Variants in NGEF observed in about 807,000 individuals in gnomAD.
NGEF encodes the protein ephexin-1.
In NGEF, 31 loss-of-function variants were observed where a neutral mutation model predicts 80.9. The observed-to-expected ratio is 0.38, with a 90% CI of 0.29 to 0.52. The LOEUF is 0.52. Among genes scored for constraint, NGEF ranks in the 20% least tolerant of loss-of-function variants. The pLI is 0.84. For synonymous variants in NGEF, 371 were observed against 370.2 expected (o/e 1.00, Z -0.03); for missense variants, 709 against 926.2 (o/e 0.77, Z 3.04).
intron 5 of NGEF, among the ~76,000 whole-genome samples, chr2:232,915,231 G>A (rs767771296): frequency 3.3e-5 from 5 of 149,822 alleles, no homozygotes; most frequent in African/African-American, 1.2e-4. Flanking sequence ...TCCATTGGTA[G>A]TAGCTTATAT....
Position 232,995,035 on chromosome 2 carries a change from T to C in NGEF, c.-75+18033A>G, listed in dbSNP as rs1157921672. On this transcript the variant is annotated intron_variant, in intron 1 of 14. Coordinates refer to ENST00000264051, the MANE Select transcript of NGEF (RefSeq NM_019850.3). ...TACATATATGTATACTGTATATATGTACAGTATGTATACTGTATATATGTA... is the reference window on the plus strand; with the variant it reads ...TACATATATGTATACTGTATATATGCACAGTATGTATACTGTATATATGTA... Among the ~76,000 whole-genome samples, 10 of 123,818 alleles carry C rather than the reference T, an allele frequency of 8.1e-5. 2 individuals carry two copies. The highest frequency in any genetic ancestry group is 3.7e-4 in the African/African-American group (6 of 16,228). The allele number at this position is 123,818 out of a possible 152,430, so 81.2% of individuals were successfully genotyped here.
intron 1 of NGEF, among the ~76,000 whole-genome samples, chr2:233,008,558 G>T (rs1323993524): frequency 6.6e-6 from 1 of 152,192 alleles, no homozygotes; most frequent in African/African-American, 2.4e-5. Flanking sequence ...GGGGTCAAGG[G>T]CCTTAGGCCC....
chr2:232,904,360 C>T (rs1692440827), intron 5 of NGEF, among the ~76,000 whole-genome samples: 1 of 152,124 alleles, frequency 6.6e-6, no homozygotes, highest in Non-Finnish European at 1.5e-5. Flanking sequence ...TCCCGAGTAG[C>T]TGGAACTACA....
intron 1 of NGEF, among the ~76,000 whole-genome samples, chr2:233,004,722 TC>T (rs1695051692): frequency 6.6e-6 from 1 of 151,800 alleles, no homozygotes; most frequent in Non-Finnish European, 1.5e-5. Context: ...TCCCTCCCCT[TC>T]CCCCTGCTCC....
rs1051088616 is a variant in NGEF at position 232,879,428 on chromosome 2, C to G, written c.*61G>C. ...GGCCTGTGCTTCCCAGAGCCCCCCCCCCCCCACCTTCTGTCGGGGTCTCAT... is the reference window on the plus strand; with the variant it reads ...GGCCTGTGCTTCCCAGAGCCCCCCCGCCCCCACCTTCTGTCGGGGTCTCAT... On this transcript the variant is annotated 3_prime_UTR_variant, in exon 15 of 15. Transcript: ENST00000264051. 29 of 1,442,322 alleles carry G rather than the reference C, an allele frequency of 2.0e-5. No homozygotes were observed. The highest frequency in any genetic ancestry group is 2.7e-5 in the South Asian group (2 of 74,182). 89.3% of individuals were successfully genotyped at this position (1,442,322 alleles called of 1,614,324 possible). A position where few individuals can be genotyped will look rare whatever the true frequency, so the allele number is the denominator to read the frequency against.
At chr2:233,010,947 C>T (rs1695190014) in intron 1 of NGEF, among the ~76,000 whole-genome samples, 1 of 152,048 alleles carries the variant, frequency 6.6e-6, no homozygotes, top group Non-Finnish European at 1.5e-5. Flanking sequence ...CTGAAGACAC[C>T]ATCATGGTAG....
chr2:232,954,642 G>A (rs779650035), intron 3 of NGEF, among the ~76,000 whole-genome samples: 14 of 151,800 alleles, frequency 9.2e-5, no homozygotes, highest in Admixed American at 3.9e-4. Context: ...GGACAATGGA[G>A]TGAACCTGGG....
rs146824824 is a variant in NGEF, at chr2:232,978,856, G to T, written c.-74-3892C>A. On this transcript the variant is annotated intron_variant, in intron 1 of 14. Coordinates refer to ENST00000264051, the MANE Select transcript of NGEF (RefSeq NM_019850.3). ...AGCCATCTTCCCACCTCAGCCCCTT[G>T]AATAGCTGGGAGCACAGGCGCCCGC... Among the ~76,000 whole-genome samples, 23 of 152,280 alleles carry T rather than the reference G, an allele frequency of 1.5e-4. No individual in the cohort carries two copies. In the East Asian group the frequency reaches 4.5e-3, roughly 29 times the overall value.
chr2:233,010,580 T>C (rs1347333774), intron 1 of NGEF, among the ~76,000 whole-genome samples: 1 of 152,142 alleles, frequency 6.6e-6, no homozygotes, highest in Non-Finnish European at 1.5e-5. Context: ...GTGTGATTTT[T>C]TTTTTTCCTT....
chr2:232,916,229 G>A (rs72976148), intron 5 of NGEF, among the ~76,000 whole-genome samples: 181 of 152,332 alleles, frequency 1.2e-3, no homozygotes, highest in Non-Finnish European at 2.1e-3. Context: ...TCAGCTTTTT[G>A]CCACGCACTG....
At chr2:232,918,203 C>A (rs945528287) in intron 5 of NGEF, among the ~76,000 whole-genome samples, 1 of 152,156 alleles carries the variant, frequency 6.6e-6, no homozygotes, top group Non-Finnish European at 1.5e-5. Flanking sequence ...AGTGATCCAC[C>A]CACCTCGGCC....
chr2:232,903,874 T>C (rs73102731), intron 5 of NGEF, among the ~76,000 whole-genome samples: 5,907 of 152,278 alleles, frequency 0.039, 399 homozygotes, highest in African/African-American at 0.13. Context: ...AATTTCTTTC[T>C]AAAATGCACA....
intron 1 of NGEF, among the ~76,000 whole-genome samples, chr2:233,006,557 G>T (rs1695087949): frequency 1.3e-5 from 2 of 152,180 alleles, no homozygotes; most frequent in Non-Finnish European, 2.9e-5. Context: ...ACACATTCCT[G>T]TTTAGTGCTC....
At chr2:232,899,637 CAT>C (rs1692214206) in intron 5 of NGEF, among the ~76,000 whole-genome samples, 2 of 141,104 alleles carry the variant, frequency 1.4e-5, no homozygotes, top group African/African-American at 2.6e-5. Flanking sequence ...CACAGTCACT[CAT>C]ATACACGTTC....
chr2:233,006,659 A>G (rs1695089587), intron 1 of NGEF, among the ~76,000 whole-genome samples: 1 of 152,182 alleles, frequency 6.6e-6, no homozygotes. Flanking sequence ...TTTCTTTCTC[A>G]TGGCATATCA....
rs57652494 is a variant in NGEF, at chr2:232,953,301, C to CAAAA, written c.383+16909_383+16912dup. 1.5e-3 allele frequency among the ~76,000 whole-genome samples: 138 copies of CAAAA among 91,210 alleles called. 1 individual carries two copies. The highest frequency in any genetic ancestry group is 8.2e-3 in the Middle Eastern group (1 of 122). 59.8% of individuals were successfully genotyped at this position (91,210 alleles called of 152,430 possible). The stretch of plus-strand genomic sequence containing the variant: ...TGGGTTACAGAGCGAGACTCTGTGT[C>CAAAA]AAAAAAAAAAAAAAAAAAAGAAAAA... On this transcript the variant is annotated intron_variant, in intron 3 of 14. Coordinates refer to ENST00000264051, the MANE Select transcript of NGEF (RefSeq NM_019850.3).
intron 1 of NGEF, among the ~76,000 whole-genome samples, chr2:232,993,838 G>T (rs1694723853): frequency 6.6e-6 from 1 of 152,290 alleles, no homozygotes; most frequent in East Asian, 1.9e-4. Context: ...TTGTATGATT[G>T]CATTTATATG....
At chr2:232,985,698 A>G (rs2106330546) in intron 1 of NGEF, among the ~76,000 whole-genome samples, 1 of 152,296 alleles carries the variant, frequency 6.6e-6, no homozygotes, top group South Asian at 2.1e-4. Flanking sequence ...GCTTGCAGTG[A>G]GCAGAGATTG....
chr2:232,899,155 CAG>C (rs897301688), intron 5 of NGEF, among the ~76,000 whole-genome samples: 1 of 150,806 alleles, frequency 6.6e-6, no homozygotes, highest in African/African-American at 2.4e-5. Context: ...GAGTGTGTGA[CAG>C]TGGGTGAATG....
Sources: allele counts gnomAD v4.1 joint callset (sites outside exome capture counted in the v4.1 genomes callset), GRCh38; gene constraint gnomAD v4.1.1; transcripts MANE v1.5; gene names NCBI Gene and HGNC (gene_info 2026-07-23, HGNC 2026-07-21).